TTLL11: variants seen among roughly 807,000 people sequenced by gnomAD.
TTLL11 encodes the protein tubulin polyglutamylase TTLL11.
A neutral mutation model predicts 51.7 loss-of-function variants in TTLL11; 42 were observed. The ratio of observed to expected loss-of-function variants is 0.81; its 90% confidence interval spans 0.64 to 1.05. The LOEUF (loss-of-function observed/expected upper bound fraction) is 1.05. Among genes scored for constraint, TTLL11 ranks in the 50% least tolerant of loss-of-function variants. TTLL11 has a pLI of 0.00. For synonymous variants in TTLL11, 381 were observed against 383.5 expected (o/e 0.99, Z 0.08); for missense variants, 799 against 940.4 (o/e 0.85, Z 1.97).
At chr9:121,983,672 G>A (rs1323091017) in intron 4 of TTLL11, among the ~76,000 whole-genome samples, 1 of 152,156 alleles carries the variant, frequency 6.6e-6, no homozygotes, top group Non-Finnish European at 1.5e-5. Context: ...CCTCTGGGAA[G>A]CCTTCCCTGA....
chr9:121,972,999 T>A (rs1842613711), intron 6 of TTLL11, among the ~76,000 whole-genome samples: 3 of 152,258 alleles, frequency 2.0e-5, no homozygotes, highest in Admixed American at 2.0e-4. Flanking sequence ...GTCAATCTGA[T>A]TCGTCTAGGG....
chr9:122,090,807 C>T (rs1350372328), intron 1 of TTLL11, among the ~76,000 whole-genome samples: 1 of 151,798 alleles, frequency 6.6e-6, no homozygotes, highest in African/African-American at 2.4e-5. Flanking sequence ...AAGTTTAGTA[C>T]TATGGAAAAA....
intron 6 of TTLL11, among the ~76,000 whole-genome samples, chr9:121,967,976 G>A (rs1842451991): frequency 6.6e-6 from 1 of 152,306 alleles, no homozygotes; most frequent in African/African-American, 2.4e-5. Context: ...ACTGTTGGTT[G>A]CCGGGAAGTG....
At chr9:121,861,333 T>C (rs1415145286) in intron 7 of TTLL11, among the ~76,000 whole-genome samples, 3 of 152,154 alleles carry the variant, frequency 2.0e-5, no homozygotes, top group African/African-American at 7.2e-5. Context: ...CGCCTCGGCC[T>C]CCCCAAGTGC....
At chr9:121,919,578 A>G (rs1669164019) in intron 6 of TTLL11, among the ~76,000 whole-genome samples, 1 of 152,210 alleles carries the variant, frequency 6.6e-6, no homozygotes, top group Non-Finnish European at 1.5e-5. Context: ...AGGAAAGAGA[A>G]CAGTTCAAAG....
chr9:122,062,462 C>CTTTTTTTTTTTTTT (rs386416145), intron 1 of TTLL11, among the ~76,000 whole-genome samples: 6 of 77,678 alleles, frequency 7.7e-5, no homozygotes, highest in Admixed American at 1.9e-4. Flanking sequence ...TTATATTATG[C>CTTTTTTTTTTTTTT]TTTTTTTTTT....
chr9:121,952,459 A>C (rs1227101152), intron 6 of TTLL11, among the ~76,000 whole-genome samples: 3 of 151,714 alleles, frequency 2.0e-5, no homozygotes, highest in South Asian at 2.1e-4. Flanking sequence ...AAAAAAAAAA[A>C]AAAACTGGAG....
chr9:122,073,997 G>A (rs540203508), intron 1 of TTLL11, among the ~76,000 whole-genome samples: 1 of 152,308 alleles, frequency 6.6e-6, no homozygotes, highest in East Asian at 1.9e-4. Context: ...TGCTGGCCGG[G>A]CGCAGTGGCT....
chr9:121,868,735 G>A (rs1016034017), intron 7 of TTLL11, among the ~76,000 whole-genome samples: 1 of 152,210 alleles, frequency 6.6e-6, no homozygotes, highest in Non-Finnish European at 1.5e-5. Context: ...ATTCGTAGAT[G>A]GTTCCCTGTT....
In TTLL11 at chr9:121,860,372, C is replaced by T. The variant is rs1837968012; in HGVS notation, c.1805G>A (p.Arg602Lys). ...VDILYIDITR[R>K]WNSMTLDQRD... ...CTGGTCCAGGGTCATGGAGTTCCAC[C>T]TCCGTGTGATGTCAATGTAGAGGAT... The change falls in exon 8 of 9, where the codon AGG (arginine) becomes AAG (lysine). Residue 602 changes from arginine (R) to lysine (K), a missense_variant. By Grantham distance (26) the Arg-to-Lys change is conservative (BLOSUM62 2). Around this residue, in one of 3 missense-constraint regions of TTLL11, gnomAD observed 165 missense variants for 166.1 expected, o/e 0.99. Coordinates refer to ENST00000321582, the MANE Select transcript of TTLL11 (RefSeq NM_001139442.2). 2 of 1,551,532 alleles carry T rather than the reference C, an allele frequency of 1.3e-6. No individual in the cohort carries two copies. Among genetic ancestry groups the T allele is most frequent in the South Asian group, 1.2e-5 (1 of 84,022 alleles).
At chr9:121,942,696 C>T (rs753965775) in intron 6 of TTLL11, among the ~76,000 whole-genome samples, 7 of 151,454 alleles carry the variant, frequency 4.6e-5, no homozygotes, top group Non-Finnish European at 7.4e-5. Context: ...CCAAAATTAA[C>T]CTCCTGCTAC....
In TTLL11 at chr9:121,832,165, T is replaced by C. The variant is rs550442395; in HGVS notation, c.1841-9286A>G. Among the ~76,000 whole-genome samples, 5 of 152,322 alleles carry C rather than the reference T, an allele frequency of 3.3e-5. No individual in the cohort carries two copies. In the East Asian group the frequency reaches 9.6e-4, roughly 29 times the overall value. On this transcript the variant is annotated intron_variant, in intron 8 of 8. Coordinates refer to ENST00000321582, the MANE Select transcript of TTLL11 (RefSeq NM_001139442.2). ...ATGGAGGATAGTTAGGATTTCAACA[T>C]ATAAATTTGGTGGGAGACACAATTT...
chr9:121,851,252 GCTA>G (rs1230449970), intron 8 of TTLL11, among the ~76,000 whole-genome samples: 1 of 152,204 alleles, frequency 6.6e-6, no homozygotes, highest in Non-Finnish European at 1.5e-5. Context: ...TGTAATGGTG[GCTA>G]CATTTGTCAA....
chr9:121,952,925 T>G (rs1486123917), intron 6 of TTLL11, among the ~76,000 whole-genome samples: 1 of 152,208 alleles, frequency 6.6e-6, no homozygotes, highest in Non-Finnish European at 1.5e-5. Context: ...ATCCTCTTTA[T>G]TTCTTTATCT....
rs138402570 is a variant in TTLL11 at position 121,955,567 on chromosome 9, G to A, written c.1481+18442C>T. Among the ~76,000 whole-genome samples the A allele has an allele frequency of 2.1e-4, 32 of 152,282 alleles. No individual in the cohort carries two copies. In the East Asian group the frequency reaches 3.5e-3, roughly 17 times the overall value. ...ACATTTTACAGATGAAGAAACTGAC[G>A]CTTTGAGAAGTTAAATAACTGCCCC... On this transcript the variant is annotated intron_variant, in intron 6 of 8. Transcript: ENST00000321582.
At chr9:121,973,962 T>C in intron 6 of TTLL11, 47 bp downstream of exon 6, 6 of 1,437,606 alleles carry the variant, frequency 4.2e-6, no homozygotes, top group Non-Finnish European at 5.7e-6. Context: ...CGAAGCCGGG[T>C]TAGGAGGCAG....
intron 4 of TTLL11, among the ~76,000 whole-genome samples, chr9:121,983,808 G>A (rs1401159229): frequency 6.6e-6 from 1 of 152,098 alleles, no homozygotes; most frequent in Non-Finnish European, 1.5e-5. Flanking sequence ...CCATTACACT[G>A]TGTGCCCCCT....
intron 1 of TTLL11, among the ~76,000 whole-genome samples, chr9:122,062,036 G>C (rs1845448672): frequency 6.6e-6 from 1 of 152,204 alleles, no homozygotes; most frequent in Non-Finnish European, 1.5e-5. Context: ...ATCCTGTCAG[G>C]GAACTAGGAA....
At chr9:121,958,451 G>A (rs1044987068) in intron 6 of TTLL11, among the ~76,000 whole-genome samples, 7 of 151,844 alleles carry the variant, frequency 4.6e-5, no homozygotes, top group East Asian at 1.9e-4. Context: ...CTTTTTTCTC[G>A]AAGCCAAACA....
Sources: gnomAD v4.1 joint callset for allele counts (sites outside exome capture counted in the v4.1 genomes callset) on GRCh38, gnomAD v4.1.1 for gene constraint, gnomAD v4.1.1 regional missense constraint, MANE v1.5 for transcripts, NCBI Gene and HGNC (gene_info 2026-07-23, HGNC 2026-07-21) for gene names.